Variants in GADL1 observed in about 807,000 individuals in gnomAD.
GADL1 encodes the protein GAD like acidic amino acid decarboxylase 1, also known as acidic amino acid decarboxylase GADL1.
In GADL1, 71 loss-of-function variants were observed where a neutral mutation model predicts 69.5. The ratio of observed to expected loss-of-function variants is 1.02; its 90% CI spans 0.84 to 1.25. The LOEUF (loss-of-function observed/expected upper bound fraction) is 1.25. Ranked by LOEUF, GADL1 falls within the 50% of genes most tolerant of loss-of-function variation. GADL1 has a pLI of 0.00. For missense variants in GADL1, 737 were observed against 631.8 expected (o/e 1.17, Z -1.79); for synonymous variants, 254 against 214.4 (o/e 1.18, Z -1.62).
Position 30,728,420 on chromosome 3 carries a change from G to A in GADL1, c.1393-5C>T, listed in dbSNP as rs958836362. On this transcript the variant is annotated splice_polypyrimidine_tract_variant and splice_region_variant and intron_variant, in intron 14 of 14. Coordinates refer to ENST00000282538, the MANE Select transcript of GADL1 (RefSeq NM_207359.3). ...CTCCTTAATGGCTGGGGCCACCTGT[G>A]TGGGGAGAAAAGGGGAGAGGGGTGA... The A allele has an allele frequency of 6.2e-7, 1 of 1,612,736 alleles. No homozygotes were observed. The highest frequency in any genetic ancestry group is 2.2e-5 in the East Asian group (1 of 44,788).
At chr3:30,854,347 A>G (rs1698194322) in intron 4 of GADL1, among the ~76,000 whole-genome samples, 1 of 152,140 alleles carries the variant, frequency 6.6e-6, no homozygotes, top group South Asian at 2.1e-4. Flanking sequence ...TATACCAGAT[A>G]TTATGCTCCA....
rs34788058 is a variant in GADL1 at position 30,805,734 on chromosome 3, C to CTTTTT, written c.1051-4651_1051-4647dup. 4.3e-3 allele frequency among the ~76,000 whole-genome samples: 281 copies of CTTTTT among 66,056 alleles called. 12 individuals carry two copies. Among genetic ancestry groups the CTTTTT allele is most frequent in the African/African-American group, 8.0e-3 (95 of 11,826 alleles). The allele number at this position is 66,056 out of a possible 152,430, so 43.3% of individuals were successfully genotyped here. A position where few individuals can be genotyped will look rare whatever the true frequency, so the allele number is the denominator to read the frequency against. ...ATTCTGTGCACCAGCAGTCCCCAGC[C>CTTTTT]TTTTTTTTTTTTTTTTTTTTTTTTG... On this transcript the variant is annotated intron_variant, in intron 11 of 14. Transcript: ENST00000282538.
intron 11 of GADL1, among the ~76,000 whole-genome samples, chr3:30,826,913 C>T (rs957588177): frequency 6.6e-6 from 1 of 151,788 alleles, no homozygotes; most frequent in African/African-American, 2.4e-5. Context: ...AACCCAGAGT[C>T]AAGATTTTTA....
rs9813473 is a variant in GADL1, at chr3:30,795,321, A to G, written c.1250+5568T>C. On this transcript the variant is annotated intron_variant, in intron 12 of 14. Coordinates refer to ENST00000282538, the MANE Select transcript of GADL1 (RefSeq NM_207359.3). ...TTATGCACATGGTTAGAAGACTGAA[A>G]GAGTTACGATTATAGCTGGAAGAGT... Among the ~76,000 whole-genome samples, 674 of 152,290 alleles carry G rather than the reference A, an allele frequency of 4.4e-3. 8 individuals are homozygous for G. The highest frequency in any genetic ancestry group is 0.015 in the African/African-American group (638 of 41,570).
intron 1 of GADL1, among the ~76,000 whole-genome samples, chr3:30,876,644 C>T (rs556272280): frequency 1.3e-5 from 2 of 151,946 alleles, no homozygotes; most frequent in African/African-American, 4.8e-5. Flanking sequence ...CAAATGTTAG[C>T]ATCTCATATT....
At chr3:30,804,890 C>A (rs973061699) in intron 11 of GADL1, among the ~76,000 whole-genome samples, 17 of 152,120 alleles carry the variant, frequency 1.1e-4, no homozygotes, top group African/African-American at 4.1e-4. Context: ...TTTTTGTGAC[C>A]AAACCTAGCA....
At chr3:30,728,968 A>C (rs1012893748) in intron 14 of GADL1, among the ~76,000 whole-genome samples, 4 of 152,328 alleles carry the variant, frequency 2.6e-5, no homozygotes, top group East Asian at 1.9e-4. Context: ...TAAGTTTATT[A>C]ATTTATTAAT....
At chr3:30,756,501 G>A (rs978391873) in intron 14 of GADL1, among the ~76,000 whole-genome samples, 3 of 152,160 alleles carry the variant, frequency 2.0e-5, no homozygotes, top group Non-Finnish European at 4.4e-5. Context: ...ACTATCAACA[G>A]GTGAAGTCTA....
intron 14 of GADL1, among the ~76,000 whole-genome samples, chr3:30,732,059 TAACA>T (rs1370207117): frequency 1.3e-5 from 2 of 152,224 alleles, no homozygotes; most frequent in African/African-American, 4.8e-5. Flanking sequence ...ACGTTCTCAC[TAACA>T]GTCAGCTTAT....
intron 14 of GADL1, among the ~76,000 whole-genome samples, chr3:30,765,063 C>G (rs1279389528): frequency 1.3e-5 from 2 of 152,074 alleles, no homozygotes; most frequent in Non-Finnish European, 2.9e-5. Context: ...GATGATTTGA[C>G]CAGCAGAACC....
intron 11 of GADL1, among the ~76,000 whole-genome samples, chr3:30,820,746 T>A (rs1697561611): frequency 6.6e-6 from 1 of 151,868 alleles, no homozygotes; most frequent in Admixed American, 6.6e-5. Flanking sequence ...AGTTCAACCA[T>A]TGTGGAAGTC....
At chr3:30,815,094 A>C (rs902758393) in intron 11 of GADL1, among the ~76,000 whole-genome samples, 1 of 152,088 alleles carries the variant, frequency 6.6e-6, no homozygotes, top group East Asian at 1.9e-4. Flanking sequence ...GCCTTTCTGG[A>C]TTTGAGAAAC....
At chr3:30,883,252 T>G (rs1459257429) in intron 1 of GADL1, among the ~76,000 whole-genome samples, 1 of 152,010 alleles carries the variant, frequency 6.6e-6, no homozygotes, top group Non-Finnish European at 1.5e-5. Context: ...TTTCTCTTTT[T>G]GTTTCCTGAT....
chr3:30,782,447 G>T (rs946303793), intron 13 of GADL1, among the ~76,000 whole-genome samples: 9 of 152,116 alleles, frequency 5.9e-5, no homozygotes, highest in African/African-American at 2.2e-4. Context: ...AAGATTTTTG[G>T]TTAGTGGATC....
chr3:30,750,698 C>T (rs1185004652), intron 14 of GADL1, among the ~76,000 whole-genome samples: 3 of 152,090 alleles, frequency 2.0e-5, no homozygotes, highest in South Asian at 2.1e-4. Flanking sequence ...TAACAACACA[C>T]GCACACACAA....
At chr3:30,742,780 C>T (rs1695646308) in intron 14 of GADL1, among the ~76,000 whole-genome samples, 1 of 151,896 alleles carries the variant, frequency 6.6e-6, no homozygotes, top group Non-Finnish European at 1.5e-5. Context: ...AAACTCTAAG[C>T]CCTACTATTA....
chr3:30,790,857 G>A (rs192526487), intron 12 of GADL1, among the ~76,000 whole-genome samples: 96 of 152,026 alleles, frequency 6.3e-4, no homozygotes, highest in South Asian at 2.1e-3. Context: ...ATTAAAATGC[G>A]GACTATAGCA....
At position 30,839,036 on chromosome 3, in the gene GADL1, T is replaced by C; in HGVS notation, c.864A>G (p.Ala288=). ...LGAFDPLDEI[A]DICERHSLWL... The stretch of plus-strand genomic sequence containing the variant: ...AGAGGCTGTGCCTCTCGCAGATGTC[T>C]GCTATTTCATCCAGAGGGTCAAAAG... Residue 288 remains alanine (A), a synonymous_variant, in exon 9 of 15, where the codon GCA becomes GCG. Coordinates refer to ENST00000282538, the MANE Select transcript of GADL1 (RefSeq NM_207359.3). The C allele has an allele frequency of 1.2e-6, 2 of 1,606,810 alleles. No individual in the cohort carries two copies. Among genetic ancestry groups the C allele is most frequent in the Non-Finnish European group, 1.7e-6 (2 of 1,177,022 alleles).
intron 11 of GADL1, among the ~76,000 whole-genome samples, chr3:30,832,962 C>A (rs1225443655): frequency 6.6e-6 from 1 of 151,950 alleles, no homozygotes; most frequent in Non-Finnish European, 1.5e-5. Flanking sequence ...ATAAATATCA[C>A]AATTTCTTTA....
Sources: gnomAD v4.1 joint callset for allele counts (sites outside exome capture counted in the v4.1 genomes callset) on GRCh38, gnomAD v4.1.1 for gene constraint, MANE v1.5 for transcripts, NCBI Gene and HGNC (gene_info 2026-07-23, HGNC 2026-07-21) for gene names.